The following ARFGAP1 variants were observed in gnomAD, a reference collection of about 807,000 sequenced individuals.
ARFGAP1 encodes ARF GTPase activating protein 1, also known as ADP-ribosylation factor GTPase-activating protein 1.
A neutral mutation model predicts 54.0 loss-of-function variants in ARFGAP1; 26 were observed. The observed-to-expected ratio is 0.48, with a 90% CI of 0.35 to 0.67. The LOEUF is 0.67. Among genes scored for constraint, ARFGAP1 ranks in the 30% least tolerant of loss-of-function variants. The pLI is 0.00. For synonymous variants in ARFGAP1, 248 were observed against 211.9 expected (o/e 1.17, Z -1.48); for missense variants, 525 against 535.8 (o/e 0.98, Z 0.20).
At chr20:63,273,833 C>T (rs1275226309) in intron 1 of ARFGAP1, among the ~76,000 whole-genome samples, 6 of 152,196 alleles carry the variant, frequency 3.9e-5, no homozygotes, top group Non-Finnish European at 7.3e-5. Context: ...GCTTTGGCGG[C>T]TCACCTCCTC....
chr20:63,281,621 T>C (rs1469083116), intron 8 of ARFGAP1, among the ~76,000 whole-genome samples: 1 of 152,122 alleles, frequency 6.6e-6, no homozygotes, highest in Admixed American at 6.5e-5. Flanking sequence ...GTGAGGGAGA[T>C]GTGAGCCCCA....
chr20:63,278,704 G>A (rs1327401474), intron 6 of ARFGAP1, among the ~76,000 whole-genome samples, 195 bp from the exon 7 acceptor site: 1 of 148,064 alleles, frequency 6.8e-6, no homozygotes, highest in Non-Finnish European at 1.5e-5. Flanking sequence ...CTGTGGTGAT[G>A]TGGCAGGAGG....
At chr20:63,282,360 C>G (rs2067407464) in intron 8 of ARFGAP1, among the ~76,000 whole-genome samples, 1 of 152,268 alleles carries the variant, frequency 6.6e-6, no homozygotes, top group Admixed American at 6.5e-5. Context: ...TTCTCCTCCC[C>G]CCGAGCTTTA....
chr20:63,287,868 T>C lies in ARFGAP1; in HGVS notation c.1216T>C (p.Trp406Arg). 1 of 1,538,686 alleles carries C rather than the reference T, an allele frequency of 6.5e-7. No individual in the cohort carries two copies. The highest frequency in any genetic ancestry group is 8.8e-7 in the Non-Finnish European group (1 of 1,140,740). ...PTDDGWDNQN[W>R] ...TGATGATGGCTGGGACAACCAGAAC[T>C]GGTAGGGCCCACTGCGCCCCCGTCC... Residue 406 changes from tryptophan (W) to arginine (R), a missense_variant, in exon 13 of 13, where the codon TGG becomes CGG. Trp to Arg is a moderately radical substitution (Grantham distance 101). Around this residue, in one of 3 missense-constraint regions of ARFGAP1, gnomAD observed 466 missense variants for 453.6 expected, o/e 1.03. Transcript: ENST00000370283.
chr20:63,287,534 T>G, intron 12 of ARFGAP1, 30 bp from the exon 13 acceptor site: 1 of 1,544,162 alleles, frequency 6.5e-7, no homozygotes, highest in Non-Finnish European at 8.8e-7. Context: ...GTAACAGTCA[T>G]TTAGAGTCCC....
chr20:63,289,215 G>C lies in ARFGAP1; in HGVS notation c.*1342G>C, dbSNP rs2067648332. ...CCTGCTGTAGTTGGACCTGAGGTCA[G>C]AGGCGGGGCATCAGAGGCTCAAGGT... On this transcript the variant is annotated 3_prime_UTR_variant, in exon 13 of 13. Coordinates refer to ENST00000370283, the MANE Select transcript of ARFGAP1 (RefSeq NM_018209.4). 1 of 152,568 alleles carries C rather than the reference G, an allele frequency of 6.6e-6. No individual in the cohort carries two copies. Among genetic ancestry groups the C allele is most frequent in the African/African-American group, 2.4e-5 (1 of 41,464 alleles). The allele number at this position is 152,568 out of a possible 1,614,324, so 9.5% of individuals were successfully genotyped here.
At chr20:63,274,262 A>G (rs1168898290) in intron 1 of ARFGAP1, 2 of 116,198 alleles carry the variant, frequency 1.7e-5, no homozygotes, top group Non-Finnish European at 3.3e-5. Flanking sequence ...GGTCAATACT[A>G]GGAGTCATGG....
chr20:63,278,676 G>A, intron 6 of ARFGAP1: 1 of 560,102 alleles, frequency 1.8e-6, no homozygotes, highest in Non-Finnish European at 3.2e-6. Flanking sequence ...GGCTGGCTTT[G>A]GGGACTTGCT....
intron 9 of ARFGAP1, chr20:63,283,097 G>T (rs143620375): frequency 1.8e-6 from 1 of 566,838 alleles, no homozygotes; most frequent in South Asian, 2.1e-5. Context: ...AGCTGGTACC[G>T]GTGTGTGGCC....
At chr20:63,284,834 T>A in intron 9 of ARFGAP1, 32 bp from the exon 10 acceptor site, 2 of 1,611,132 alleles carry the variant, frequency 1.2e-6, no homozygotes, top group Non-Finnish European at 1.7e-6. Flanking sequence ...GGTGGAGCTG[T>A]CGTGGGGCTC....
Position 63,288,018 on chromosome 20 carries a change from C to T in ARFGAP1, c.*145C>T. 9.9e-7 allele frequency: 1 copy of T among 1,008,478 alleles called. No individual in the cohort carries two copies. Among genetic ancestry groups the T allele is most frequent in the Admixed American group, 2.9e-5 (1 of 34,826 alleles). 62.5% of individuals were successfully genotyped at this position (1,008,478 alleles called of 1,614,324 possible). ...CTCGGGAGGCAGGACCCTAGGGAGA[C>T]CCGGGTGTGCGCCGCCTGCGCGTGG... is the stretch of plus-strand genomic sequence containing the variant. On this transcript the variant is annotated 3_prime_UTR_variant, in exon 13 of 13. Transcript: ENST00000370283.
At chr20:63,277,120 C>T (rs1359249774) in intron 4 of ARFGAP1, 85 bp from the exon 5 acceptor site, 18 of 1,211,896 alleles carry the variant, frequency 1.5e-5, no homozygotes, top group East Asian at 1.0e-4. Flanking sequence ...CCAGGCGGGC[C>T]GTGGGGGGTG....
intron 1 of ARFGAP1, among the ~76,000 whole-genome samples, chr20:63,274,697 G>T (rs1363752779): frequency 6.6e-6 from 1 of 152,214 alleles, no homozygotes; most frequent in Non-Finnish European, 1.5e-5. Flanking sequence ...TTGCTCGGTG[G>T]CGTGGTGTGC....
intron 1 of ARFGAP1, chr20:63,273,131 GC>G (rs1163681869): frequency 2.0e-5 from 3 of 149,920 alleles, no homozygotes; most frequent in Admixed American, 1.3e-4. Flanking sequence ...TCGCGCGGAC[GC>G]CCCGCTGCAG....
chr20:63,282,566 C>T (rs867049166), intron 8 of ARFGAP1, among the ~76,000 whole-genome samples: 31 of 152,232 alleles, frequency 2.0e-4, no homozygotes, highest in African/African-American at 5.1e-4. Context: ...TGGCCTTGCA[C>T]GCTGCTCACG....
chr20:63,287,779 G>GC lies in ARFGAP1; in HGVS notation c.1128dup (p.Asn377GlnfsTer22). ...GGCTCGGCCTCCACCAACAGGAACA[G>GC]CAACAGCGACGGCGGGGAGGGCGGG... On this transcript the variant is annotated frameshift_variant, in exon 13 of 13. Transcript: ENST00000370283. LOFTEE classifies it low-confidence loss of function (END_TRUNC). 2 of 1,594,284 alleles carry GC rather than the reference G, an allele frequency of 1.3e-6. No individual in the cohort carries two copies. Among genetic ancestry groups the GC allele is most frequent in the Non-Finnish European group, 1.7e-6 (2 of 1,169,748 alleles).
chr20:63,277,136 G>A, intron 4 of ARFGAP1, 69 bp from the exon 5 acceptor site: 1 of 1,394,162 alleles, frequency 7.2e-7, no homozygotes. Context: ...GGGTGCGCTG[G>A]AGTCGACGGT....
intron 9 of ARFGAP1, chr20:63,284,468 G>A: frequency 2.7e-6 from 3 of 1,109,788 alleles, no homozygotes; most frequent in African/African-American, 1.6e-5. Context: ...CTTCCCTCCA[G>A]GGGGGACTCG....
chr20:63,274,878 A>C (rs2067194091), intron 1 of ARFGAP1, among the ~76,000 whole-genome samples: 1 of 152,156 alleles, frequency 6.6e-6, no homozygotes, highest in South Asian at 2.1e-4. Context: ...TTTTCTCTTC[A>C]CCCTAAACCT....
Sources: allele counts gnomAD v4.1 joint callset (sites outside exome capture counted in the v4.1 genomes callset), GRCh38; gene constraint gnomAD v4.1.1; regional missense constraint gnomAD v4.1.1; transcripts MANE v1.5; gene names NCBI Gene and HGNC (gene_info 2026-07-23, HGNC 2026-07-21).